Variants in APP observed in about 807,000 individuals in gnomAD.
APP encodes amyloid-beta precursor protein.
In APP, 31 loss-of-function variants were observed where a neutral mutation model predicts 101.4. The ratio of observed to expected loss-of-function variants is 0.31; its 90% CI spans 0.23 to 0.41. The LOEUF (loss-of-function observed/expected upper bound fraction) is 0.41. Ranked by LOEUF, APP falls within the 10% of genes least tolerant of loss-of-function variation. The pLI is 1.00. For synonymous variants in APP, 366 were observed against 364.4 expected (o/e 1.00, Z -0.05); for missense variants, 839 against 1,003.7 (o/e 0.84, Z 2.22).
chr21:26,064,545 G>A (rs991120259), intron 3 of APP, among the ~76,000 whole-genome samples: 1 of 152,132 alleles, frequency 6.6e-6, no homozygotes, highest in Non-Finnish European at 1.5e-5. Context: ...CTAGTGAACC[G>A]TATGTCTCAT....
At chr21:26,068,657 C>T (rs2046555030) in intron 3 of APP, among the ~76,000 whole-genome samples, 1 of 152,232 alleles carries the variant, frequency 6.6e-6, no homozygotes, top group South Asian at 2.1e-4. Context: ...GCATGGGCCA[C>T]TGAACTTGGC....
At chr21:26,143,857 C>A (rs1209219446) in intron 1 of APP, among the ~76,000 whole-genome samples, 1 of 152,130 alleles carries the variant, frequency 6.6e-6, no homozygotes, top group African/African-American at 2.4e-5. Flanking sequence ...GTACCAGGGG[C>A]CTGGATTTCA....
chr21:25,977,190 T>C (rs529007532), intron 9 of APP, among the ~76,000 whole-genome samples: 65 of 152,340 alleles, frequency 4.3e-4, no homozygotes, highest in Non-Finnish European at 8.5e-4. Flanking sequence ...CTCATTAACC[T>C]GATACAAAAA....
intron 16 of APP, among the ~76,000 whole-genome samples, chr21:25,895,678 G>A (rs1462337105): frequency 1.3e-5 from 2 of 152,216 alleles, no homozygotes; most frequent in East Asian, 3.9e-4. Flanking sequence ...TATAGCAAAT[G>A]AAGCAACTTC....
intron 3 of APP, among the ~76,000 whole-genome samples, chr21:26,062,230 A>AACAAAC (rs1555861818): frequency 2.8e-5 from 4 of 145,036 alleles, no homozygotes; most frequent in Admixed American, 1.4e-4. Flanking sequence ...CAAACAAACA[A>AACAAAC]ACACACACAC....
At chr21:25,891,580 GAAC>G (rs1378145419) in intron 17 of APP, 139 bp downstream of exon 17, 7 of 850,300 alleles carry the variant, frequency 8.2e-6, no homozygotes, top group African/African-American at 1.7e-5. Flanking sequence ...AAACAAGAAA[GAAC>G]AACTGTAACC....
intron 6 of APP, among the ~76,000 whole-genome samples, chr21:26,004,993 T>C (rs1182632632): frequency 6.6e-6 from 1 of 152,202 alleles, no homozygotes; most frequent in Admixed American, 6.5e-5. Flanking sequence ...CATCCTTTTT[T>C]ATGGCTGCAT....
At chr21:26,134,486 AG>A (rs1347531208) in intron 1 of APP, among the ~76,000 whole-genome samples, 1 of 152,228 alleles carries the variant, frequency 6.6e-6, no homozygotes, top group Non-Finnish European at 1.5e-5. Context: ...GATATTACAA[AG>A]GACACACAGA....
At chr21:26,037,860 G>A (rs979878076) in intron 5 of APP, among the ~76,000 whole-genome samples, 8 of 152,106 alleles carry the variant, frequency 5.3e-5, no homozygotes, top group African/African-American at 1.7e-4. Context: ...AATGGGAAAC[G>A]AATGAATAGT....
intron 13 of APP, among the ~76,000 whole-genome samples, chr21:25,936,174 T>C (rs1382342258): frequency 6.6e-6 from 1 of 152,106 alleles, no homozygotes. Flanking sequence ...CAAGGGACCT[T>C]TGGAGATCAG....
At chr21:26,102,736 C>T (rs1257911763) in intron 2 of APP, among the ~76,000 whole-genome samples, 1 of 151,314 alleles carries the variant, frequency 6.6e-6, no homozygotes, top group African/African-American at 2.4e-5. Flanking sequence ...AGTAAAAATA[C>T]AAAAATTATC....
intron 1 of APP, among the ~76,000 whole-genome samples, chr21:26,164,578 T>C (rs2063566290): frequency 6.6e-6 from 1 of 152,154 alleles, no homozygotes; most frequent in Admixed American, 6.6e-5. Flanking sequence ...TGTGGCAAGC[T>C]GCCAGTGTGT....
chr21:26,140,958 T>G (rs1185584012), intron 1 of APP, among the ~76,000 whole-genome samples: 3 of 152,182 alleles, frequency 2.0e-5, no homozygotes, highest in Non-Finnish European at 4.4e-5. Context: ...GACAGAGGAT[T>G]TGGAATGAGA....
In APP at chr21:25,997,422, G is replaced by GA; in HGVS notation, c.1034-7dup. ...CTTGAGTAAACTTTGGGACACTATG[G>GA]AAAAAATAAGAGAACATAACTAAAA... On this transcript the variant is annotated splice_region_variant and splice_polypyrimidine_tract_variant and intron_variant, in intron 7 of 17. Coordinates refer to ENST00000346798, the MANE Select transcript of APP (RefSeq NM_000484.4). The GA allele has an allele frequency of 1.2e-6, 2 of 1,609,748 alleles. No homozygotes were observed. The highest frequency in any genetic ancestry group is 1.7e-6 in the Non-Finnish European group (2 of 1,176,178).
At chr21:25,990,700 G>C (rs2042825400) in intron 8 of APP, among the ~76,000 whole-genome samples, 1 of 151,738 alleles carries the variant, frequency 6.6e-6, no homozygotes, top group African/African-American at 2.4e-5. Context: ...TTTTACCCCA[G>C]CCTTCCAGAG....
chr21:26,164,741 A>G (rs964321009), intron 1 of APP, among the ~76,000 whole-genome samples: 1 of 151,930 alleles, frequency 6.6e-6, no homozygotes, highest in Non-Finnish European at 1.5e-5. Context: ...CCATAGTCCC[A>G]GCTACTCAGG....
At chr21:25,896,583 C>T (rs1179855941) in intron 16 of APP, among the ~76,000 whole-genome samples, 1 of 152,158 alleles carries the variant, frequency 6.6e-6, no homozygotes, top group Non-Finnish European at 1.5e-5. Context: ...TAAGATGGAA[C>T]CCTAACATAA....
At position 25,963,523 on chromosome 21, in the gene APP, A is replaced by G. The variant is rs1464353669; in HGVS notation, c.1459-7768T>C. On this transcript the variant is annotated intron_variant, in intron 11 of 17. Transcript: ENST00000346798. ...ACCCCAACCTTTCCAGGTCACAGAA[A>G]ACCCTCTCCTGGAGCATTAAATTGC... Among the ~76,000 whole-genome samples, 4 of 152,184 alleles carry G rather than the reference A, an allele frequency of 2.6e-5. No individual in the cohort carries two copies. In the East Asian group the frequency reaches 7.7e-4, roughly 29 times the overall value.
At chr21:26,022,744 A>G (rs2044398202) in intron 5 of APP, among the ~76,000 whole-genome samples, 1 of 152,228 alleles carries the variant, frequency 6.6e-6, no homozygotes, top group African/African-American at 2.4e-5. Flanking sequence ...TGCACATACA[A>G]GAGCCGCAAC....
Sources: gnomAD v4.1 joint callset for allele counts (sites outside exome capture counted in the v4.1 genomes callset) on GRCh38, gnomAD v4.1.1 for gene constraint, MANE v1.5 for transcripts, NCBI Gene and HGNC (gene_info 2026-07-23, HGNC 2026-07-21) for gene names.